Variants in TBC1D22A observed in about 807,000 individuals in gnomAD.
TBC1D22A encodes the protein putative GTPase activator.
Under a neutral mutation model 60.2 loss-of-function variants are expected in TBC1D22A, and 38 were observed. That is an observed-to-expected ratio of 0.63 (90% CI 0.49 to 0.83). TBC1D22A has a LOEUF of 0.83. Among genes scored for constraint, TBC1D22A ranks in the 40% least tolerant of loss-of-function variants. The pLI is 0.00. For missense variants in TBC1D22A, 628 were observed against 701.0 expected, an observed-to-expected ratio of 0.90 and a Z score of 1.18; for synonymous variants, 302 against 281.7, an observed-to-expected ratio of 1.07 and a Z score of -0.72.
chr22:46,879,350 C>T (rs1412250306), intron 5 of TBC1D22A, among the ~76,000 whole-genome samples: 1 of 152,080 alleles, frequency 6.6e-6, no homozygotes, highest in Non-Finnish European at 1.5e-5. Flanking sequence ...TTAGCTCAGG[C>T]TTGCCGTTGG....
rs1275171401 is a variant in TBC1D22A, at chr22:46,762,674, C to T, written c.-113C>T. On this transcript the variant is annotated 5_prime_UTR_variant, in exon 1 of 13. Transcript: ENST00000337137. ...CGGAAGAGCTTCTCGGCTCTAGGCT[C>T]TGGAGTCCCGGGAGCAGTGAGGGGC... 2.2e-6 allele frequency: 2 copies of T among 904,832 alleles called. No individual in the cohort carries two copies. Among genetic ancestry groups the T allele is most frequent in the Non-Finnish European group, 1.5e-6 (1 of 646,722 alleles). 56.1% of individuals were successfully genotyped at this position (904,832 alleles called of 1,614,324 possible).
At position 47,037,141 on chromosome 22, in the gene TBC1D22A, C is replaced by T. The variant is rs1259112240; in HGVS notation, c.1272C>T (p.Asn424=). 3 of 1,613,988 alleles carry T rather than the reference C, an allele frequency of 1.9e-6. No homozygotes were observed. The highest frequency in any genetic ancestry group is 1.3e-5 in the African/African-American group (1 of 75,026). ...AGTTTGCCTTCCGCTGGATGAACAA[C>T]CTGCTGATGAGGGAGGTGCCCCTGC... ...YLQFAFRWMN[N]LLMREVPLRC... is the part of the protein sequence containing the mutation. Residue 424 remains asparagine (N), a synonymous_variant, in exon 11 of 13, where the codon AAC becomes AAT. Transcript: ENST00000337137.
chr22:47,108,300 C>T (rs956159060), intron 11 of TBC1D22A, among the ~76,000 whole-genome samples: 3 of 152,322 alleles, frequency 2.0e-5, no homozygotes, highest in Non-Finnish European at 4.4e-5. Flanking sequence ...AGAAACAATT[C>T]AGTCCATCAA....
chr22:46,763,243 T>C (rs1360862403), intron 1 of TBC1D22A: 9 of 205,120 alleles, frequency 4.4e-5, no homozygotes, highest in Admixed American at 3.7e-4. Flanking sequence ...CTGCAGGGGG[T>C]GTGGTGTTTT....
chr22:46,904,280 G>A (rs1026380283), intron 7 of TBC1D22A, among the ~76,000 whole-genome samples: 4 of 151,968 alleles, frequency 2.6e-5, no homozygotes. Context: ...CCCACAGCAT[G>A]TGTCCTTTGG....
intron 4 of TBC1D22A, among the ~76,000 whole-genome samples, chr22:46,802,397 T>A (rs971773615): frequency 6.6e-6 from 1 of 152,182 alleles, no homozygotes; most frequent in Admixed American, 6.5e-5. Context: ...TGGGGCGAGA[T>A]CTGCACGGAG....
At chr22:47,103,170 G>A (rs1162825577) in intron 11 of TBC1D22A, among the ~76,000 whole-genome samples, 1 of 152,132 alleles carries the variant, frequency 6.6e-6, no homozygotes, top group Non-Finnish European at 1.5e-5. Flanking sequence ...GGATTTGGGG[G>A]TGTGTGTGTA....
chr22:46,974,445 G>T, intron 9 of TBC1D22A, 46 bp downstream of exon 9: 1 of 1,517,350 alleles, frequency 6.6e-7, no homozygotes, highest in South Asian at 1.2e-5. Flanking sequence ...CACAGCCCCT[G>T]CGGTGAAGAG....
At chr22:46,895,977 T>C (rs2068654893) in intron 7 of TBC1D22A, among the ~76,000 whole-genome samples, 1 of 152,220 alleles carries the variant, frequency 6.6e-6, no homozygotes, top group Non-Finnish European at 1.5e-5. Flanking sequence ...CCAAATAAAC[T>C]GTCCTCTGCA....
chr22:46,858,065 TGCCACA>T (rs1417103795), intron 4 of TBC1D22A, among the ~76,000 whole-genome samples: 1 of 152,208 alleles, frequency 6.6e-6, no homozygotes, highest in Non-Finnish European at 1.5e-5. Context: ...TTCCTGCAGC[TGCCACA>T]GCATTTTACC....
In TBC1D22A at chr22:46,925,338, G is replaced by A. The variant is rs149005543; in HGVS notation, c.1015+13150G>A. Among the ~76,000 whole-genome samples, 13 of 152,366 alleles carry A rather than the reference G, an allele frequency of 8.5e-5. No individual in the cohort carries two copies. In the East Asian group the frequency reaches 2.3e-3, roughly 27 times the overall value. The stretch of plus-strand genomic sequence containing the variant: ...GCAGTTCTAGACCCACGTGAGACAA[G>A]CAGAGAGTTCCCTGGGGTTGCTCGT... On this transcript the variant is annotated intron_variant, in intron 8 of 12. Transcript: ENST00000337137.
intron 8 of TBC1D22A, among the ~76,000 whole-genome samples, chr22:46,947,139 G>A (rs1192390616): frequency 6.6e-6 from 1 of 152,092 alleles, no homozygotes; most frequent in Non-Finnish European, 1.5e-5. Flanking sequence ...GAAGAGTGCT[G>A]TGAATCGGTA....
At chr22:46,845,870 C>T (rs963899121) in intron 4 of TBC1D22A, among the ~76,000 whole-genome samples, 14 of 152,180 alleles carry the variant, frequency 9.2e-5, no homozygotes, top group South Asian at 2.1e-4. Context: ...TGCGTTGGGT[C>T]GCCAGCCCTC....
rs142709558 is a variant in TBC1D22A at position 47,100,501 on chromosome 22, G to A, written c.1330-11007G>A. 7.8e-3 allele frequency among the ~76,000 whole-genome samples: 1,190 copies of A among 152,218 alleles called. 21 individuals carry two copies. Among genetic ancestry groups the A allele is most frequent in the African/African-American group, 0.027 (1,127 of 41,526 alleles). ...TGTGTCCCCACCCAAATCTCATCTTGAACTCCCACATGTTGTGGGAGGTAA... is the reference window on the plus strand; with the variant it reads ...TGTGTCCCCACCCAAATCTCATCTTAAACTCCCACATGTTGTGGGAGGTAA... On this transcript the variant is annotated intron_variant, in intron 11 of 12. Transcript: ENST00000337137.
rs953347685 is a variant in TBC1D22A at position 46,897,604 on chromosome 22, C to T, written c.900+2758C>T. Among the ~76,000 whole-genome samples, 6 of 146,832 alleles carry T rather than the reference C, an allele frequency of 4.1e-5. No homozygotes were observed. In the South Asian group the frequency reaches 6.5e-4, roughly 16 times the overall value. ...GCCTCTGGTCCTTTTGTTACCTGGG[C>T]ATGGAAAGTTGTTTTTTTTTGTTTT... On this transcript the variant is annotated intron_variant, in intron 7 of 12. Coordinates refer to ENST00000337137, the MANE Select transcript of TBC1D22A (RefSeq NM_014346.5).
intron 8 of TBC1D22A, among the ~76,000 whole-genome samples, chr22:46,916,222 C>G (rs41279827): frequency 1.6e-3 from 245 of 152,312 alleles, no homozygotes; most frequent in East Asian, 3.9e-3. Flanking sequence ...AACTGCTTCC[C>G]AGCACAGAGG....
chr22:46,791,816 A>G (rs1480746625), intron 1 of TBC1D22A, among the ~76,000 whole-genome samples: 1 of 152,224 alleles, frequency 6.6e-6, no homozygotes, highest in Non-Finnish European at 1.5e-5. Context: ...GCTGCAGTGC[A>G]GTGGCACGAT....
At chr22:47,051,541 C>T (rs131919) in intron 11 of TBC1D22A, among the ~76,000 whole-genome samples, 55,221 of 151,980 alleles carry the variant, frequency 0.36, 10,279 homozygotes, top group East Asian at 0.52. Flanking sequence ...GATCTCAAAA[C>T]GCCCTTCCGG....
intron 11 of TBC1D22A, 98 bp from the exon 12 acceptor site, chr22:47,111,410 C>A: frequency 9.1e-7 from 1 of 1,102,204 alleles, no homozygotes; most frequent in Admixed American, 2.1e-5. Flanking sequence ...TTCCTCTGAA[C>A]CCTGACTAGA....
Sources: gnomAD v4.1 joint callset for allele counts (sites outside exome capture counted in the v4.1 genomes callset) on GRCh38, gnomAD v4.1.1 for gene constraint, MANE v1.5 for transcripts, NCBI Gene and HGNC (gene_info 2026-07-23, HGNC 2026-07-21) for gene names.